The following PTPRD variants were observed in gnomAD, a reference collection of about 807,000 sequenced individuals.
The protein encoded by PTPRD is protein tyrosine phosphatase receptor type D, also known as receptor-type tyrosine-protein phosphatase delta.
A neutral mutation model predicts 214.5 loss-of-function variants in PTPRD; 34 were observed. That is an observed-to-expected ratio of 0.16 (90% CI 0.12 to 0.21). The LOEUF is 0.21. PTPRD is among the 10% of genes least tolerant of loss of function. The pLI, the probability that PTPRD is intolerant of heterozygous loss-of-function variation, is 1.00. For synonymous variants in PTPRD, 1,128 were observed against 845.7 expected (o/e 1.33, Z -5.79); for missense variants, 2,545 against 2,398.7 (o/e 1.06, Z -1.27).
chr9:9,345,238 T>G (rs1339367802), intron 9 of PTPRD, among the ~76,000 whole-genome samples: 1 of 152,038 alleles, frequency 6.6e-6, no homozygotes, highest in Non-Finnish European at 1.5e-5. Flanking sequence ...ATATATTATT[T>G]CTTAAAATTT....
At chr9:9,398,463 T>A (rs919788847) in intron 8 of PTPRD, among the ~76,000 whole-genome samples, 1 of 152,058 alleles carries the variant, frequency 6.6e-6, no homozygotes, top group Non-Finnish European at 1.5e-5. Flanking sequence ...AGTGTATAGA[T>A]AGCATATGGT....
chr9:10,465,282 C>A (rs1409314503), intron 2 of PTPRD, among the ~76,000 whole-genome samples: 1 of 152,184 alleles, frequency 6.6e-6, no homozygotes, highest in Non-Finnish European at 1.5e-5. Context: ...ACCTTTGCCA[C>A]CTGCCACACT....
intron 3 of PTPRD, among the ~76,000 whole-genome samples, chr9:10,107,215 T>G (rs1039397929): frequency 6.6e-6 from 1 of 151,894 alleles, no homozygotes; most frequent in East Asian, 1.9e-4. Flanking sequence ...CGGTCAGAGA[T>G]GGATATGCAC....
chr9:8,324,101 A>ATT (rs200231613), intron 44 of PTPRD, among the ~76,000 whole-genome samples: 2,583 of 145,464 alleles, frequency 0.018, 69 homozygotes, highest in African/African-American at 0.061. Context: ...GATGATTAGC[A>ATT]TTTTTTTTTT....
intron 12 of PTPRD, among the ~76,000 whole-genome samples, chr9:8,674,110 A>G (rs910815610): frequency 1.1e-4 from 16 of 152,108 alleles, no homozygotes; most frequent in African/African-American, 3.9e-4. Context: ...ATAACAAAAA[A>G]TCACATAGAC....
rs545893060 is a variant in PTPRD, at chr9:10,361,058, A to C, written c.-599-20041T>G. ...CGGAGCTTGTAGTGAGCCGAGATGG[A>C]GCCACTGCACTCCAGCCTGGGCGAC... On this transcript the variant is annotated intron_variant, in intron 2 of 45. Transcript: ENST00000381196. Among the ~76,000 whole-genome samples, 163 of 152,224 alleles carry C rather than the reference A, an allele frequency of 1.1e-3. 2 individuals are homozygous for C. The highest frequency in any genetic ancestry group is 4.6e-3 in the Admixed American group (71 of 15,282).
chr9:9,308,858 G>A (rs1957971143), intron 9 of PTPRD, among the ~76,000 whole-genome samples: 1 of 152,030 alleles, frequency 6.6e-6, no homozygotes, highest in Admixed American at 6.6e-5. Flanking sequence ...GAAGCATGCT[G>A]GTTAATAAGC....
At position 10,556,406 on chromosome 9, in the gene PTPRD, C is replaced by A. The variant is rs77709173; in HGVS notation, c.-600+55992G>T. On this transcript the variant is annotated intron_variant, in intron 2 of 45. Coordinates refer to ENST00000381196, the MANE Select transcript of PTPRD (RefSeq NM_002839.4). Reference sequence around the variant, plus strand: ...GGATATTATGAAAACAGTGTTTTTCCATGACACTATATCATTTTAGGTATA... The same window carrying A: ...GGATATTATGAAAACAGTGTTTTTCAATGACACTATATCATTTTAGGTATA... Among the ~76,000 whole-genome samples, 3 of 151,824 alleles carry A rather than the reference C, an allele frequency of 2.0e-5. No individual in the cohort carries two copies. The East Asian group carries it at 5.8e-4, about 29-fold the overall frequency.
At chr9:9,211,321 T>C (rs1593651334) in intron 9 of PTPRD, among the ~76,000 whole-genome samples, 1 of 152,192 alleles carries the variant, frequency 6.6e-6, no homozygotes, top group Non-Finnish European at 1.5e-5. Flanking sequence ...CTCAGTATAC[T>C]CATCTTTAAA....
chr9:8,661,371 G>A (rs758013276), intron 12 of PTPRD, among the ~76,000 whole-genome samples: 14 of 151,846 alleles, frequency 9.2e-5, no homozygotes, highest in African/African-American at 3.4e-4. Context: ...ACCAATTATA[G>A]CAGAAGGTTG....
chr9:10,274,646 A>T (rs148661089), intron 3 of PTPRD, among the ~76,000 whole-genome samples: 31 of 152,278 alleles, frequency 2.0e-4, no homozygotes, highest in Admixed American at 6.5e-4. Flanking sequence ...ATAGTTACAA[A>T]TGTCTAGTAG....
rs147643352 is a variant in PTPRD at position 10,119,065 on chromosome 9, C to T, written c.-544-85275G>A. Reference sequence around the variant, plus strand: ...ACCAGGGCATTAAAGTTACAACAAACGTAGAGTTCCACTTAAGAAACACCT... The same window carrying T: ...ACCAGGGCATTAAAGTTACAACAAATGTAGAGTTCCACTTAAGAAACACCT... On this transcript the variant is annotated intron_variant, in intron 3 of 45. Coordinates refer to ENST00000381196, the MANE Select transcript of PTPRD (RefSeq NM_002839.4). Among the ~76,000 whole-genome samples the T allele has an allele frequency of 5.3e-5, 8 of 151,936 alleles. No individual in the cohort carries two copies. The East Asian group carries it at 1.4e-3, about 26-fold the overall frequency.
intron 2 of PTPRD, among the ~76,000 whole-genome samples, chr9:10,594,198 C>T (rs771624205): frequency 3.3e-5 from 5 of 151,910 alleles, no homozygotes; most frequent in Non-Finnish European, 5.9e-5. Context: ...ACAGAGGACA[C>T]TTTACTTCTA....
intron 10 of PTPRD, among the ~76,000 whole-genome samples, chr9:9,139,716 T>C (rs2154480063): frequency 6.6e-6 from 1 of 152,282 alleles, no homozygotes; most frequent in African/African-American, 2.4e-5. Context: ...TCTATTTCTA[T>C]CGTAATTTTC....
At chr9:8,694,026 A>G (rs1487302423) in intron 12 of PTPRD, among the ~76,000 whole-genome samples, 4 of 152,242 alleles carry the variant, frequency 2.6e-5, no homozygotes, top group Admixed American at 2.6e-4. Context: ...TGTGTCATTA[A>G]TATTCAAATG....
intron 10 of PTPRD, among the ~76,000 whole-genome samples, chr9:9,129,607 C>T (rs1485696809): frequency 2.0e-5 from 3 of 152,134 alleles, no homozygotes; most frequent in Non-Finnish European, 2.9e-5. Flanking sequence ...AGGTAATATG[C>T]TACCCCTTAA....
intron 12 of PTPRD, among the ~76,000 whole-genome samples, chr9:8,691,757 A>G (rs1597141849): frequency 3.3e-5 from 5 of 152,304 alleles, no homozygotes; most frequent in Admixed American, 3.3e-4. Flanking sequence ...CACATTTTCA[A>G]TGTGATGTGA....
intron 9 of PTPRD, among the ~76,000 whole-genome samples, chr9:9,315,894 C>T (rs1962694077): frequency 6.9e-6 from 1 of 145,350 alleles, no homozygotes; most frequent in Admixed American, 6.9e-5. Context: ...CACAAAGAAC[C>T]TCAGCTACGG....
In PTPRD at chr9:8,465,476, T is replaced by G. The variant is rs774437502; in HGVS notation, c.3704A>C (p.His1235Pro). Residue 1235 changes from histidine (H) to proline (P), a missense_variant, in exon 32 of 46, where the codon CAT becomes CCT. By Grantham distance (77) the His-to-Pro change is moderately conservative. Coordinates refer to ENST00000381196, the MANE Select transcript of PTPRD (RefSeq NM_002839.4). ...TCATAATTAACTTACAGACTCTGCA[T>G]GTTCCATTACTGCTAACACAAAGAA... ...YVFFVLAVME[H>P]AESKMYATSP... 5 of 1,612,026 alleles carry G rather than the reference T, an allele frequency of 3.1e-6. No homozygotes were observed. In the South Asian group the frequency reaches 4.4e-5, roughly 14 times the overall value.
Sources: gnomAD v4.1 joint callset for allele counts (sites outside exome capture counted in the v4.1 genomes callset) on GRCh38, gnomAD v4.1.1 for gene constraint, MANE v1.5 for transcripts, NCBI Gene and HGNC (gene_info 2026-07-23, HGNC 2026-07-21) for gene names.